ADAP1: variants seen among roughly 807,000 people sequenced by gnomAD.
ADAP1 encodes the protein ArfGAP with dual PH domains 1.
In ADAP1, 31 loss-of-function variants were observed where a neutral mutation model predicts 54.9. The ratio of observed to expected loss-of-function variants is 0.56; its 90% confidence interval spans 0.42 to 0.76. The LOEUF (loss-of-function observed/expected upper bound fraction) is 0.76, where lower values mean the gene tolerates loss of function less well. ADAP1 is among the 30% of genes least tolerant of loss of function. The pLI is 0.00. For missense variants in ADAP1, 535 were observed against 512.4 expected (o/e 1.04, Z -0.42); for synonymous variants, 313 against 202.6 (o/e 1.55, Z -4.63).
intron 2 of ADAP1, among the ~76,000 whole-genome samples, chr7:930,059 G>A (rs977892875): frequency 1.6e-5 from 2 of 124,718 alleles, no homozygotes; most frequent in Non-Finnish European, 3.1e-5. Context: ...AGCTGTGATT[G>A]AGCCACTGCC....
intron 2 of ADAP1, among the ~76,000 whole-genome samples, chr7:927,771 C>T (rs1032248813): frequency 5.9e-5 from 9 of 152,190 alleles, no homozygotes; most frequent in African/African-American, 1.9e-4. Flanking sequence ...CTGGCGTGTG[C>T]TCCCGAGGAC....
intron 4 of ADAP1, among the ~76,000 whole-genome samples, chr7:909,918 C>T (rs1443272128): frequency 2.0e-5 from 3 of 152,222 alleles, no homozygotes; most frequent in African/African-American, 7.2e-5. Flanking sequence ...TGTGCCAGGT[C>T]TTGTCCCACC....
At chr7:951,036 C>T (rs543311082) in intron 1 of ADAP1, among the ~76,000 whole-genome samples, 2 of 151,730 alleles carry the variant, frequency 1.3e-5, no homozygotes, top group South Asian at 2.1e-4. Context: ...GTGCTCAAGG[C>T]CCTGGAACTG....
chr7:912,389 C>T (rs947966895), intron 4 of ADAP1, among the ~76,000 whole-genome samples: 4 of 152,100 alleles, frequency 2.6e-5, no homozygotes, highest in Admixed American at 6.5e-5. Context: ...CAGGGGCAGG[C>T]GGGGGGCAAG....
Position 920,096 on chromosome 7 carries a change from G to C in ADAP1, c.306-46C>G. 2 of 1,561,928 alleles carry C rather than the reference G, an allele frequency of 1.3e-6. No individual in the cohort carries two copies. Among genetic ancestry groups the C allele is most frequent in the Admixed American group, 1.7e-5 (1 of 58,850 alleles). ...GAGCCACTGGGCCAAGGCGGCCTCCGACCCAGCACACGCCGCTCTCTGGCC... is the reference window on the plus strand; with the variant it reads ...GAGCCACTGGGCCAAGGCGGCCTCCCACCCAGCACACGCCGCTCTCTGGCC... On this transcript the variant is annotated intron_variant, in intron 3 of 10. Coordinates refer to ENST00000265846, the MANE Select transcript of ADAP1 (RefSeq NM_006869.4). The surrounding 1 kb of genome is among the most constrained non-coding windows in gnomAD (Gnocchi z 4.5).
intron 1 of ADAP1, among the ~76,000 whole-genome samples, chr7:951,543 C>T (rs969155279): frequency 1.3e-5 from 2 of 151,656 alleles, no homozygotes; most frequent in African/African-American, 2.4e-5. Context: ...TGCCACTGCA[C>T]TGTAGCCTGG....
intron 4 of ADAP1, among the ~76,000 whole-genome samples, chr7:906,680 G>A (rs1323787258): frequency 9.8e-5 from 8 of 81,294 alleles, no homozygotes; most frequent in East Asian, 1.0e-3. Flanking sequence ...GACATGGACA[G>A]GGGACACGGG....
Position 900,621 on chromosome 7 carries a change from G to GAGCAAAGGCA in ADAP1, c.649-6_649-5insTGCCTTTGCT. On this transcript the variant is annotated splice_polypyrimidine_tract_variant and splice_region_variant and intron_variant, in intron 6 of 10. Transcript: ENST00000265846. ...ATTGAACCAGTCCACAATCTCCTAGGGGCAAAGGTGGGCACAGGCTTGGGC... is the reference window on the plus strand; with the variant it reads ...ATTGAACCAGTCCACAATCTCCTAGGAGCAAAGGCAGGCAAAGGTGGGCACAGGCTTGGGC... 1.3e-6 allele frequency: 2 copies of GAGCAAAGGCA among 1,587,220 alleles called. No individual in the cohort carries two copies. The highest frequency in any genetic ancestry group is 1.1e-5 in the South Asian group (1 of 89,446).
At chr7:912,647 G>T (rs1845770700) in intron 4 of ADAP1, among the ~76,000 whole-genome samples, 1 of 152,222 alleles carries the variant, frequency 6.6e-6, no homozygotes, top group African/African-American at 2.4e-5. Context: ...GGGCTTCCCT[G>T]CCACAGGTTA....
intron 4 of ADAP1, 40 bp from the exon 5 acceptor site, chr7:905,212 G>C (rs773050876): frequency 6.6e-7 from 1 of 1,523,970 alleles, no homozygotes; most frequent in Non-Finnish European, 8.9e-7. Context: ...ACAGTGGATG[G>C]GGGGGAGGAA....
chr7:900,234 C>CCCTCTGTGCT, intron 7 of ADAP1, 70 bp from the exon 8 acceptor site: 2 of 1,582,562 alleles, frequency 1.3e-6, no homozygotes, highest in Non-Finnish European at 1.7e-6. Flanking sequence ...CTGGCTGTGC[C>CCCTCTGTGCT]CCTCTGTGCT....
At position 935,764 on chromosome 7, in the gene ADAP1, G is replaced by A. The variant is rs545482936; in HGVS notation, c.83-259C>T. On this transcript the variant is annotated intron_variant, in intron 1 of 10. Transcript: ENST00000265846. ...GATCTGCATGCACCTGCTCTGCCCC[G>A]CGGGTGCCGGGAACCTCCAGCAGAG... Among the ~76,000 whole-genome samples the A allele has an allele frequency of 2.0e-4, 30 of 151,966 alleles. 1 individual carries two copies. The South Asian group carries it at 5.8e-3, about 29-fold the overall frequency.
intron 2 of ADAP1, among the ~76,000 whole-genome samples, chr7:932,280 C>T (rs1846609052): frequency 1.3e-5 from 2 of 152,206 alleles, no homozygotes; most frequent in African/African-American, 4.8e-5. Context: ...CCTCTCCAGC[C>T]TTCCTCTCCG....
At position 935,165 on chromosome 7, in the gene ADAP1, A is replaced by G. The variant is rs1166216394; in HGVS notation, c.213+210T>C. ...CACACACCTGGAGCTGCTCACAGAG[A>G]GGTTGGACCCGGCACGGGGTGGGTG... On this transcript the variant is annotated intron_variant, in intron 2 of 10. Coordinates refer to ENST00000265846, the MANE Select transcript of ADAP1 (RefSeq NM_006869.4). The G allele has an allele frequency of 5.6e-6, 4 of 719,116 alleles. No homozygotes were observed. The African/African-American group carries it at 7.0e-5, about 13-fold the overall frequency. 44.5% of individuals were successfully genotyped at this position (719,116 alleles called of 1,614,324 possible). A position where few individuals can be genotyped will look rare whatever the true frequency, so the allele number is the denominator to read the frequency against.
At position 920,439 on chromosome 7, in the gene ADAP1, G is replaced by A. The variant is rs10225609; in HGVS notation, c.306-389C>T. 0.1 allele frequency among the ~76,000 whole-genome samples: 4,877 copies of A among 47,772 alleles called. 331 individuals carry two copies. Among genetic ancestry groups the A allele is most frequent in the East Asian group, 0.4 (1,267 of 3,160 alleles). The allele number at this position is 47,772 out of a possible 152,430, so 31.3% of individuals were successfully genotyped here. A position where few individuals can be genotyped will look rare whatever the true frequency, so the allele number is the denominator to read the frequency against. ...AGTCACACGCCCCTGGGCCCTCCCC[G>A]ACCCTCCCCACCTCGTTGGACCGGA... On this transcript the variant is annotated intron_variant, in intron 3 of 10. Transcript: ENST00000265846. The surrounding 1 kb of genome is among the most constrained non-coding windows in gnomAD (Gnocchi z 4.5).
intron 1 of ADAP1, among the ~76,000 whole-genome samples, chr7:941,317 G>C (rs1846933832): frequency 6.6e-6 from 1 of 151,944 alleles, no homozygotes; most frequent in African/African-American, 2.4e-5. Flanking sequence ...AGTGCAATAA[G>C]GCAATATAAA....
Position 913,392 on chromosome 7 carries a change from G to A in ADAP1, c.388+6576C>T, listed in dbSNP as rs546097003. Among the ~76,000 whole-genome samples the A allele has an allele frequency of 5.3e-5, 8 of 151,884 alleles. No homozygotes were observed. The East Asian group carries it at 5.9e-4, about 11-fold the overall frequency. ...ATTTTTTTGTATTTTTAGTAGAGAC[G>A]GGGTTTCACCGTGTTAGCCAGGATG... On this transcript the variant is annotated intron_variant, in intron 4 of 10. Coordinates refer to ENST00000265846, the MANE Select transcript of ADAP1 (RefSeq NM_006869.4).
Position 920,027 on chromosome 7 carries a change from C to T in ADAP1, c.329G>A (p.Arg110Gln), listed in dbSNP as rs373846581. The change falls in exon 4 of 11, where the codon CGG becomes CAG. Residue 110 changes from arginine (R) to glutamine (Q), a missense_variant. Transcript: ENST00000265846. The surrounding 1 kb of genome is among the most constrained non-coding windows in gnomAD (Gnocchi z 4.5). ...DCQLLREQWI[R>Q]AKYERQEFIY... Reference sequence around the variant, plus strand: ...GAACTCCTGTCGCTCGTACTTGGCCCGGATCCACTGCTCTCGAAGGAGCCT... The same window carrying T: ...GAACTCCTGTCGCTCGTACTTGGCCTGGATCCACTGCTCTCGAAGGAGCCT... The T allele has an allele frequency of 1.7e-5, 27 of 1,607,490 alleles. No homozygotes were observed. Among genetic ancestry groups the T allele is most frequent in the East Asian group, 4.5e-5 (2 of 44,790 alleles).
In ADAP1 at chr7:905,296, GAC is replaced by G. The variant is rs1404089417; in HGVS notation, c.389-126_389-125del. ...ACGGGGGACACGGACGGGGGACACGGACAGGGGGAGACGGACGGGGAGAGGGG... is the reference window on the plus strand; with the variant it reads ...ACGGGGGACACGGACGGGGGACACGGAGGGGGAGACGGACGGGGAGAGGGG... On this transcript the variant is annotated intron_variant, in intron 4 of 10. Transcript: ENST00000265846. 39 of 451,552 alleles carry G rather than the reference GAC, an allele frequency of 8.6e-5. 2 individuals are homozygous for G. Among genetic ancestry groups the G allele is most frequent in the East Asian group, 6.1e-4 (16 of 26,154 alleles). 28.0% of individuals were successfully genotyped at this position (451,552 alleles called of 1,614,324 possible). A position where few individuals can be genotyped will look rare whatever the true frequency, so the allele number is the denominator to read the frequency against.
Sources: allele counts gnomAD v4.1 joint callset (sites outside exome capture counted in the v4.1 genomes callset), GRCh38; gene constraint gnomAD v4.1.1; non-coding constraint Gnocchi (gnomAD v3.1); transcripts MANE v1.5; gene names NCBI Gene and HGNC (gene_info 2026-07-23, HGNC 2026-07-21).